LLGL2: variants seen among roughly 807,000 people sequenced by gnomAD.
The protein encoded by LLGL2 is LLGL scribble cell polarity complex component 2.
LLGL2 carries 81 observed loss-of-function variants against 123.2 expected under a neutral mutation model. The observed-to-expected ratio is 0.66, with a 90% confidence interval of 0.55 to 0.79. The LOEUF is 0.79. Ranked by LOEUF, LLGL2 falls within the 30% of genes least tolerant of loss-of-function variation. The probability of loss-of-function intolerance (pLI) is 0.00; values close to 1 mark genes in which losing one functional copy is unlikely to be tolerated. For synonymous variants in LLGL2, 577 were observed against 594.1 expected, an observed-to-expected ratio of 0.97 and a Z score of 0.42; for missense variants, 1,273 against 1,414.6, an observed-to-expected ratio of 0.90 and a Z score of 1.61.
At chr17:75,572,854 G>C (rs959184191) in intron 19 of LLGL2, among the ~76,000 whole-genome samples, 160 bp from the exon 20 acceptor site, 1 of 151,896 alleles carries the variant, frequency 6.6e-6, no homozygotes, top group African/African-American at 2.4e-5. Context: ...TAGGGAAGTC[G>C]GTGACCTCGG....
At chr17:75,563,906 T>A in intron 9 of LLGL2, 100 bp downstream of exon 9, 1 of 1,184,120 alleles carries the variant, frequency 8.4e-7, no homozygotes, top group Non-Finnish European at 1.3e-6. Context: ...CAGTGAACAC[T>A]CTCAGGTCCC....
At chr17:75,561,242 T>C (rs190459052) in intron 6 of LLGL2, among the ~76,000 whole-genome samples, 1 of 152,224 alleles carries the variant, frequency 6.6e-6, no homozygotes, top group African/African-American at 2.4e-5. Context: ...CCTAAAGATA[T>C]AGGATAAGAA....
rs143816663 is a variant in LLGL2, at chr17:75,574,653, C to T, written c.3040C>T (p.Leu1014Phe). The T allele has an allele frequency of 9.9e-6, 16 of 1,611,954 alleles. No individual in the cohort carries two copies. Among genetic ancestry groups the T allele is most frequent in the Non-Finnish European group, 1.4e-5 (16 of 1,179,586 alleles). ...RSHRAAVGCS[L>F]SNGGAE ...ACATCGAGCCGCCGTGGGGTGCAGC[C>T]TCAGCAATGGCGGAGGTGGGGGCTC... The change falls in exon 25 of 26, where the codon CTC (leucine) becomes TTC (phenylalanine). Residue 1014 changes from leucine (L) to phenylalanine (F), a missense_variant. Leu to Phe is a conservative substitution (Grantham distance 22). Coordinates refer to ENST00000392550, the MANE Select transcript of LLGL2 (RefSeq NM_001031803.2).
At chr17:75,570,630 T>A in intron 16 of LLGL2, 132 bp downstream of exon 16, 1 of 1,145,208 alleles carries the variant, frequency 8.7e-7, no homozygotes, top group Non-Finnish European at 1.2e-6. Flanking sequence ...CAGGTCGCAT[T>A]GTGTGACCTC....
At chr17:75,548,620 G>A (rs1206613656) in intron 2 of LLGL2, among the ~76,000 whole-genome samples, 1 of 151,816 alleles carries the variant, frequency 6.6e-6, no homozygotes, top group Non-Finnish European at 1.5e-5. Context: ...GCCGGGCATG[G>A]TGGCGCACAC....
In LLGL2 at chr17:75,563,818, T is replaced by C. The variant is rs1047054297; in HGVS notation, c.881+12T>C. 3.1e-6 allele frequency: 5 copies of C among 1,613,598 alleles called. No individual in the cohort carries two copies. In the Admixed American group the frequency reaches 8.3e-5, roughly 27 times the overall value. On this transcript the variant is annotated intron_variant, in intron 9 of 25. Transcript: ENST00000392550. Reference sequence around the variant, plus strand: ...ACCACTAGGCAGGGGTAGGTATCCATGCTGGTCCTCTTTCCTCTCCAGAGC... The same window carrying C: ...ACCACTAGGCAGGGGTAGGTATCCACGCTGGTCCTCTTTCCTCTCCAGAGC...
Position 75,571,954 on chromosome 17 carries a change from G to A in LLGL2, c.2350G>A (p.Gly784Arg), listed in dbSNP as rs749299653. 1.2e-5 allele frequency: 19 copies of A among 1,612,674 alleles called. No individual in the cohort carries two copies. The highest frequency in any genetic ancestry group is 6.7e-5 in the East Asian group (3 of 44,886). Residue 784 changes from glycine (G) to arginine (R), a missense_variant, in exon 19 of 26, where the codon GGA (glycine) becomes AGA (arginine). Transcript: ENST00000392550. ...APVVGILVLD[G>R]HSVPLPEPLE... Reference sequence around the variant, plus strand: ...GGTGGTGGGCATCCTGGTGCTCGACGGACACAGCGTACCCCTTCCCGAGCC... The same window carrying A: ...GGTGGTGGGCATCCTGGTGCTCGACAGACACAGCGTACCCCTTCCCGAGCC...
intron 10 of LLGL2, among the ~76,000 whole-genome samples, chr17:75,566,093 G>C (rs528567233): frequency 6.6e-6 from 1 of 152,238 alleles, no homozygotes; most frequent in African/African-American, 2.4e-5. Flanking sequence ...CTGATGGAAG[G>C]CTTGCCCTGT....
Position 75,559,158 on chromosome 17 carries a change from T to C in LLGL2, c.372-94T>C. On this transcript the variant is annotated intron_variant, in intron 5 of 25. Transcript: ENST00000392550. The surrounding 1 kb of genome is among the most constrained non-coding windows in gnomAD (Gnocchi z 4.6). Reference sequence around the variant, plus strand: ...ATGTTATGACCTCATTAAAGGGCCTTATGGGCTTGTTTTCCGAGGAGTCAG... The same window carrying C: ...ATGTTATGACCTCATTAAAGGGCCTCATGGGCTTGTTTTCCGAGGAGTCAG... 1 of 1,333,636 alleles carries C rather than the reference T, an allele frequency of 7.5e-7. No individual in the cohort carries two copies. Among genetic ancestry groups the C allele is most frequent in the Non-Finnish European group, 1.0e-6 (1 of 998,464 alleles). 82.6% of individuals were successfully genotyped at this position (1,333,636 alleles called of 1,614,324 possible). A position where few individuals can be genotyped will look rare whatever the true frequency, so the allele number is the denominator to read the frequency against.
At position 75,563,354 on chromosome 17, in the gene LLGL2, G is replaced by A. The variant is rs767352795; in HGVS notation, c.717G>A (p.Gln239=). 1 of 1,612,820 alleles carries A rather than the reference G, an allele frequency of 6.2e-7. No homozygotes were observed. The highest frequency in any genetic ancestry group is 1.1e-5 in the South Asian group (1 of 91,056). The change falls in exon 8 of 26, where the codon CAG becomes CAA. Residue 239 remains glutamine (Q), a synonymous_variant. Coordinates refer to ENST00000392550, the MANE Select transcript of LLGL2 (RefSeq NM_001031803.2). The stretch of plus-strand genomic sequence containing the variant: ...AGCAACTGGAGAACATCTGGTGGCA[G>A]CGGGACGGCCGCCTGCTCGTCAGCT... ...SSQQLENIWW[Q]RDGRLLVSCH... is the part of the protein sequence containing the mutation.
chr17:75,562,915 G>C, intron 6 of LLGL2, 101 bp from the exon 7 acceptor site: 3 of 1,408,666 alleles, frequency 2.1e-6, no homozygotes, highest in Non-Finnish European at 2.9e-6. Flanking sequence ...CTGGCACATG[G>C]AGCAGCCACC....
At chr17:75,573,872 T>C in intron 21 of LLGL2, 80 bp from the exon 22 acceptor site, 11 of 1,492,528 alleles carry the variant, frequency 7.4e-6, no homozygotes, top group Middle Eastern at 1.7e-4. Context: ...CGCCATTGAC[T>C]TGTTCTTCAT....
chr17:75,541,634 G>A (rs951513336), intron 1 of LLGL2, among the ~76,000 whole-genome samples: 2 of 151,340 alleles, frequency 1.3e-5, no homozygotes, highest in Non-Finnish European at 2.9e-5. Context: ...AGGTGACAGC[G>A]CTCTGGGGGC....
At position 75,563,771 on chromosome 17, in the gene LLGL2, G is replaced by A. The variant is rs200223371; in HGVS notation, c.846G>A (p.Ala282=). 1.1e-4 allele frequency: 171 copies of A among 1,614,044 alleles called. No individual in the cohort carries two copies. In the Admixed American group the frequency reaches 1.4e-3, roughly 13 times the overall value. ...TTTCAGGTCCCTTTCCTTGCAAAGC[G>A]ATTACCAGAATCCTCTGGCTGACCA... ...LVPYGPFPCK[A]ITRILWLTTR... Residue 282 remains alanine (A), a synonymous_variant, in exon 9 of 26, where the codon GCG becomes GCA. Coordinates refer to ENST00000392550, the MANE Select transcript of LLGL2 (RefSeq NM_001031803.2).
At chr17:75,528,458 G>A (rs1351630699) in intron 1 of LLGL2, among the ~76,000 whole-genome samples, 4 of 152,148 alleles carry the variant, frequency 2.6e-5, no homozygotes, top group Non-Finnish European at 4.4e-5. Flanking sequence ...AGAAAAAAAG[G>A]CCAGGCGTGG....
chr17:75,573,744 C>G, intron 21 of LLGL2, 113 bp downstream of exon 21: 1 of 1,282,280 alleles, frequency 7.8e-7, no homozygotes, highest in Non-Finnish European at 1.1e-6. Context: ...CGAGCTCAGC[C>G]CACCCTCCCA....
At position 75,570,222 on chromosome 17, in the gene LLGL2, T is replaced by C; in HGVS notation, c.1841T>C (p.Phe614Ser). The change falls in exon 15 of 26, where the codon TTT (phenylalanine) becomes TCT (serine). Residue 614 changes from phenylalanine to serine, a missense_variant. Transcript: ENST00000392550. Reference protein sequence around the residue: ...AFGTSHGFGLFDHQQRRQVFV... With the variant: ...AFGTSHGFGLSDHQQRRQVFV... ...GGCACCAGCCATGGCTTTGGCCTCT[T>C]TGACCACCAGCAGCGGCGGCAGGTC... The C allele has an allele frequency of 6.2e-7, 1 of 1,601,550 alleles. No homozygotes were observed. The highest frequency in any genetic ancestry group is 8.5e-7 in the Non-Finnish European group (1 of 1,174,990).
chr17:75,571,532 T>C, intron 17 of LLGL2, 135 bp from the exon 18 acceptor site: 2 of 682,404 alleles, frequency 2.9e-6, no homozygotes, highest in Non-Finnish European at 2.6e-6. Flanking sequence ...GGGTCTTCTA[T>C]GTTGGGGCCT....
intron 1 of LLGL2, among the ~76,000 whole-genome samples, chr17:75,528,308 G>A (rs982596892): frequency 1.3e-5 from 2 of 151,864 alleles, no homozygotes; most frequent in East Asian, 1.9e-4. Context: ...GTAGAGATGG[G>A]GTTTCACTGT....
Sources: allele counts gnomAD v4.1 joint callset (sites outside exome capture counted in the v4.1 genomes callset), GRCh38; gene constraint gnomAD v4.1.1; non-coding constraint Gnocchi (gnomAD v3.1); transcripts MANE v1.5; gene names NCBI Gene and HGNC (gene_info 2026-07-23, HGNC 2026-07-21).